Variants in PDE4B observed in about 807,000 individuals in gnomAD.
PDE4B encodes phosphodiesterase 4B.
A neutral mutation model predicts 82.2 loss-of-function variants in PDE4B; 20 were observed. The observed-to-expected ratio is 0.24, with a 90% CI of 0.17 to 0.35. The LOEUF (loss-of-function observed/expected upper bound fraction) is 0.35, where lower values mean the gene tolerates loss of function less well. PDE4B is among the 10% of genes least tolerant of loss of function. The pLI is 1.00. For synonymous variants in PDE4B, 320 were observed against 318.9 expected, an observed-to-expected ratio of 1.00 and a Z score of -0.04; for missense variants, 655 against 907.2, an observed-to-expected ratio of 0.72 and a Z score of 3.57.
At chr1:66,254,610 C>A (rs1284860842) in intron 4 of PDE4B, among the ~76,000 whole-genome samples, 1 of 152,138 alleles carries the variant, frequency 6.6e-6, no homozygotes, top group Admixed American at 6.6e-5. Flanking sequence ...CCTTTAAGTT[C>A]AACGTGTACC....
At chr1:65,967,552 A>G (rs887024414) in intron 3 of PDE4B, among the ~76,000 whole-genome samples, 23 of 152,240 alleles carry the variant, frequency 1.5e-4, no homozygotes, top group Admixed American at 6.5e-5. Flanking sequence ...TCATTCTACT[A>G]TAAAGACACA....
At chr1:65,848,350 T>A (rs1229957836) in intron 1 of PDE4B, among the ~76,000 whole-genome samples, 2 of 152,130 alleles carry the variant, frequency 1.3e-5, no homozygotes, top group African/African-American at 4.8e-5. Flanking sequence ...TTCACCATGT[T>A]GGCCAGGATG....
At chr1:66,008,383 C>T (rs1334502423) in intron 3 of PDE4B, among the ~76,000 whole-genome samples, 1 of 152,114 alleles carries the variant, frequency 6.6e-6, no homozygotes. Flanking sequence ...TCCTGCCTTT[C>T]CTGTTTCTAT....
intron 3 of PDE4B, among the ~76,000 whole-genome samples, chr1:66,074,060 G>A (rs1288477481): frequency 1.3e-5 from 2 of 152,090 alleles, no homozygotes; most frequent in African/African-American, 4.8e-5. Context: ...AATTCGATAG[G>A]TGGATAGCAC....
At chr1:66,064,847 G>A (rs903964688) in intron 3 of PDE4B, among the ~76,000 whole-genome samples, 1 of 151,218 alleles carries the variant, frequency 6.6e-6, no homozygotes, top group South Asian at 2.1e-4. Flanking sequence ...GATATTTCTT[G>A]CCAAATCAGA....
intron 3 of PDE4B, among the ~76,000 whole-genome samples, chr1:66,059,846 A>G (rs1184181275): frequency 6.6e-6 from 1 of 152,084 alleles, no homozygotes; most frequent in Non-Finnish European, 1.5e-5. Context: ...AAGAGAGCTT[A>G]TTTTCTTTGG....
intron 3 of PDE4B, among the ~76,000 whole-genome samples, chr1:66,108,173 T>C (rs545953933): frequency 7.2e-5 from 11 of 152,004 alleles, no homozygotes; most frequent in African/African-American, 2.6e-4. Flanking sequence ...ATACCTCCTG[T>C]TTAACTGAAA....
At chr1:65,843,516 G>A (rs1646232921) in intron 1 of PDE4B, among the ~76,000 whole-genome samples, 1 of 152,232 alleles carries the variant, frequency 6.6e-6, no homozygotes, top group Admixed American at 6.5e-5. Context: ...TGGACTTTCA[G>A]CTTTTCATTT....
At chr1:66,091,850 T>G (rs1297141536) in intron 3 of PDE4B, among the ~76,000 whole-genome samples, 1 of 152,108 alleles carries the variant, frequency 6.6e-6, no homozygotes, top group Non-Finnish European at 1.5e-5. Flanking sequence ...GCTACTTTTA[T>G]GTACTTAATT....
chr1:66,090,621 A>ATGTGTGTGTGTGTGTG (rs146947689), intron 3 of PDE4B, among the ~76,000 whole-genome samples: 95 of 122,720 alleles, frequency 7.7e-4, no homozygotes, highest in Non-Finnish European at 9.6e-4. Context: ...TATATAATAT[A>ATGTGTGTGTGTGTGTG]TGTGTGTGTG....
chr1:66,046,057 T>C (rs1654695402), intron 3 of PDE4B, among the ~76,000 whole-genome samples: 1 of 151,768 alleles, frequency 6.6e-6, no homozygotes, highest in Non-Finnish European at 1.5e-5. Context: ...AAGAGATATT[T>C]GAAAGGGGCA....
intron 1 of PDE4B, among the ~76,000 whole-genome samples, chr1:65,873,803 T>C (rs1646603529): frequency 6.6e-6 from 1 of 152,196 alleles, no homozygotes; most frequent in Non-Finnish European, 1.5e-5. Flanking sequence ...GAGGTAGAGA[T>C]TTTTAAAACA....
At chr1:65,799,997 T>A (rs534108030) in intron 1 of PDE4B, among the ~76,000 whole-genome samples, 2 of 152,324 alleles carry the variant, frequency 1.3e-5, no homozygotes, top group South Asian at 4.1e-4. Context: ...GCTTTAGTGG[T>A]CATTTAAAAC....
chr1:65,833,009 G>A (rs1027342251), intron 1 of PDE4B, among the ~76,000 whole-genome samples: 4 of 152,196 alleles, frequency 2.6e-5, no homozygotes, highest in Non-Finnish European at 5.9e-5. Flanking sequence ...ATGAATGAAA[G>A]TGAGCAAAGT....
At chr1:66,078,757 A>C (rs1276028853) in intron 3 of PDE4B, among the ~76,000 whole-genome samples, 1 of 151,906 alleles carries the variant, frequency 6.6e-6, no homozygotes, top group Non-Finnish European at 1.5e-5. Flanking sequence ...TTGTCTTTTC[A>C]TTTTTTTCTG....
chr1:66,129,673 C>A (rs200529422), intron 3 of PDE4B, among the ~76,000 whole-genome samples: 2,790 of 35,572 alleles, frequency 0.078, 105 homozygotes, highest in African/African-American at 0.16. Flanking sequence ...AAAAAAAAAA[C>A]AAAAAAACAA....
intron 1 of PDE4B, among the ~76,000 whole-genome samples, chr1:65,878,400 T>C (rs1438294032): frequency 1.3e-5 from 2 of 152,244 alleles, no homozygotes; most frequent in Non-Finnish European, 2.9e-5. Flanking sequence ...CAAAGGATTA[T>C]ATATCATTCT....
intron 1 of PDE4B, among the ~76,000 whole-genome samples, chr1:65,909,279 C>G (rs1295409873): frequency 6.6e-6 from 1 of 152,046 alleles, no homozygotes; most frequent in African/African-American, 2.4e-5. Flanking sequence ...TTTTTAAACT[C>G]AAAATATTAC....
chr1:66,174,268 C>G (rs532033015), intron 3 of PDE4B, among the ~76,000 whole-genome samples: 1 of 152,090 alleles, frequency 6.6e-6, no homozygotes, highest in African/African-American at 2.4e-5. Flanking sequence ...AGGGGAAATC[C>G]TTGAGCAAAG....
Sources: allele counts gnomAD v4.1 joint callset (sites outside exome capture counted in the v4.1 genomes callset), GRCh38; gene constraint gnomAD v4.1.1; transcripts MANE v1.5; gene names NCBI Gene and HGNC (gene_info 2026-07-23, HGNC 2026-07-21).